LHFPL2: variants seen among roughly 807,000 people sequenced by gnomAD.
The protein encoded by LHFPL2 is LHFPL tetraspan subfamily member 2, also known as LHFPL tetraspan subfamily member 2 protein.
In LHFPL2, 7 loss-of-function variants were observed where a neutral mutation model predicts 17.5. The ratio of observed to expected loss-of-function variants is 0.40; its 90% CI spans 0.23 to 0.75. The LOEUF is 0.75. Ranked by LOEUF, LHFPL2 falls within the 30% of genes least tolerant of loss-of-function variation. LHFPL2 has a pLI of 0.37. For missense variants in LHFPL2, 241 were observed against 294.8 expected, an observed-to-expected ratio of 0.82 and a Z score of 1.34; for synonymous variants, 134 against 116.2, an observed-to-expected ratio of 1.15 and a Z score of -0.99.
intron 2 of LHFPL2, among the ~76,000 whole-genome samples, chr5:78,579,379 A>C (rs1742994331): frequency 6.6e-6 from 1 of 152,026 alleles, no homozygotes; most frequent in East Asian, 1.9e-4. Flanking sequence ...TTTAGGGTAC[A>C]TGTGCACAAT....
At chr5:78,580,759 A>T (rs1417689798) in intron 2 of LHFPL2, among the ~76,000 whole-genome samples, 1 of 152,062 alleles carries the variant, frequency 6.6e-6, no homozygotes, top group Non-Finnish European at 1.5e-5. Flanking sequence ...GCCTTGTAGT[A>T]TAGTTTGAAG....
intron 2 of LHFPL2, among the ~76,000 whole-genome samples, chr5:78,589,627 G>A (rs540899726): frequency 1.1e-3 from 163 of 152,196 alleles, no homozygotes; most frequent in African/African-American, 3.6e-3. Context: ...ACCTGCACCC[G>A]CATGAATAGG....
chr5:78,522,442 TAAAAA>T (rs1018110669), intron 3 of LHFPL2, among the ~76,000 whole-genome samples: 2 of 150,580 alleles, frequency 1.3e-5, no homozygotes, highest in African/African-American at 4.9e-5. Context: ...TGTCTCAAAA[TAAAAA>T]AAAAATTTTA....
chr5:78,493,358 CACAG>C (rs894003051), intron 4 of LHFPL2, among the ~76,000 whole-genome samples: 1 of 152,242 alleles, frequency 6.6e-6, no homozygotes, highest in African/African-American at 2.4e-5. Flanking sequence ...ATCCCTCAGG[CACAG>C]ACTTCATCCT....
intron 2 of LHFPL2, among the ~76,000 whole-genome samples, chr5:78,622,280 G>A (rs544111217): frequency 3.3e-4 from 51 of 152,272 alleles, no homozygotes; most frequent in African/African-American, 1.2e-3. Context: ...GCAACAATTA[G>A]GGAGAAACTT....
At chr5:78,644,350 C>G (rs1404293703) in intron 1 of LHFPL2, 2 of 1,239,502 alleles carry the variant, frequency 1.6e-6, no homozygotes, top group East Asian at 2.5e-5. Flanking sequence ...TTTGCTGCAT[C>G]AGGCTTTCCT....
At chr5:78,518,940 T>C (rs1179280617) in intron 3 of LHFPL2, among the ~76,000 whole-genome samples, 1 of 152,156 alleles carries the variant, frequency 6.6e-6, no homozygotes, top group African/African-American at 2.4e-5. Context: ...AGCAAAAGGC[T>C]GAGGCAGAAA....
intron 2 of LHFPL2, among the ~76,000 whole-genome samples, chr5:78,587,155 C>A (rs545304722): frequency 6.6e-6 from 1 of 152,140 alleles, no homozygotes; most frequent in South Asian, 2.1e-4. Flanking sequence ...CCAAACGAGG[C>A]AAGTCTAAAT....
chr5:78,509,553 C>T (rs1462211044), intron 4 of LHFPL2, among the ~76,000 whole-genome samples: 2 of 152,146 alleles, frequency 1.3e-5, no homozygotes, highest in East Asian at 1.9e-4. Context: ...TGAGGAGGAC[C>T]ACGTAAGACC....
At chr5:78,553,610 C>T (rs6885997) in intron 3 of LHFPL2, among the ~76,000 whole-genome samples, 60,562 of 152,014 alleles carry the variant, frequency 0.4, 12,379 homozygotes, top group Middle Eastern at 0.48. Context: ...ACAAGGATTC[C>T]GCATTAATAA....
At chr5:78,616,913 A>C (rs957334386) in intron 2 of LHFPL2, among the ~76,000 whole-genome samples, 1 of 152,226 alleles carries the variant, frequency 6.6e-6, no homozygotes, top group Non-Finnish European at 1.5e-5. Flanking sequence ...GTTAATTCTG[A>C]CTTTCTTGAA....
intron 3 of LHFPL2, among the ~76,000 whole-genome samples, chr5:78,514,984 T>C (rs1755248115): frequency 6.6e-6 from 1 of 152,236 alleles, no homozygotes; most frequent in South Asian, 2.1e-4. Flanking sequence ...TTCTGAACTA[T>C]CTGAAAATGA....
chr5:78,642,977 C>A (rs77563101), intron 1 of LHFPL2, among the ~76,000 whole-genome samples: 4,252 of 152,228 alleles, frequency 0.028, 80 homozygotes, highest in Non-Finnish European at 0.038. Context: ...TGTTCCCCCC[C>A]CTCCTTGTTA....
At chr5:78,556,299 T>C (rs1468024355) in intron 3 of LHFPL2, among the ~76,000 whole-genome samples, 1 of 152,218 alleles carries the variant, frequency 6.6e-6, no homozygotes, top group African/African-American at 2.4e-5. Flanking sequence ...ACTATTATCA[T>C]AAATGAGAGT....
chr5:78,584,995 G>GTTTT lies in LHFPL2; in HGVS notation c.-244-20128_-244-20125dup, dbSNP rs1163195083. Among the ~76,000 whole-genome samples the GTTTT allele has an allele frequency of 3.5e-4, 14 of 40,528 alleles. 2 individuals are homozygous for GTTTT. The highest frequency in any genetic ancestry group is 7.8e-4 in the South Asian group (1 of 1,286). 26.6% of individuals were successfully genotyped at this position (40,528 alleles called of 152,430 possible). On this transcript the variant is annotated intron_variant, in intron 2 of 4. Transcript: ENST00000380345. ...GGGATATAATCTCCTGGTGCGCTGT[G>GTTTT]TTTTTTTTTTTTTTTTTTTTTTTTT...
intron 2 of LHFPL2, among the ~76,000 whole-genome samples, chr5:78,586,650 C>T (rs1389783207): frequency 2.0e-5 from 3 of 152,194 alleles, no homozygotes; most frequent in Non-Finnish European, 2.9e-5. Flanking sequence ...GACACACAAT[C>T]CTGCTCCACC....
At chr5:78,617,366 T>C (rs997903582) in intron 2 of LHFPL2, among the ~76,000 whole-genome samples, 5 of 152,204 alleles carry the variant, frequency 3.3e-5, no homozygotes, top group South Asian at 2.1e-4. Flanking sequence ...TCCACACTTA[T>C]GTGAAAGCTA....
intron 3 of LHFPL2, among the ~76,000 whole-genome samples, chr5:78,562,110 G>A (rs1354057307): frequency 6.6e-6 from 1 of 152,320 alleles, no homozygotes; most frequent in East Asian, 1.9e-4. Context: ...GATACCCAGT[G>A]CCAGGGAACA....
chr5:78,588,820 C>T (rs963135092), intron 2 of LHFPL2, among the ~76,000 whole-genome samples: 1 of 152,176 alleles, frequency 6.6e-6, no homozygotes, highest in African/African-American at 2.4e-5. Context: ...AAAACAGTGC[C>T]TGACTCAATA....
Sources: allele counts gnomAD v4.1 joint callset (sites outside exome capture counted in the v4.1 genomes callset), GRCh38; gene constraint gnomAD v4.1.1; transcripts MANE v1.5; gene names NCBI Gene and HGNC (gene_info 2026-07-23, HGNC 2026-07-21).